HERC3: variants seen among roughly 807,000 people sequenced by gnomAD.
HERC3 encodes HECT and RLD domain containing E3 ubiquitin protein ligase 3, also known as probable E3 ubiquitin-protein ligase HERC3.
Under a neutral mutation model 129.9 loss-of-function variants are expected in HERC3, and 58 were observed. The ratio of observed to expected loss-of-function variants is 0.45; its 90% CI spans 0.36 to 0.56. The LOEUF (loss-of-function observed/expected upper bound fraction) is 0.56. Ranked by LOEUF, HERC3 falls within the 20% of genes least tolerant of loss-of-function variation. The pLI is 0.00. For synonymous variants in HERC3, 430 were observed against 451.0 expected, an observed-to-expected ratio of 0.95 and a Z score of 0.59; for missense variants, 835 against 1,244.2, an observed-to-expected ratio of 0.67 and a Z score of 4.95.
At chr4:88,607,903 G>C (rs1292027722) in intron 3 of HERC3, among the ~76,000 whole-genome samples, 2 of 152,150 alleles carry the variant, frequency 1.3e-5, no homozygotes, top group Non-Finnish European at 2.9e-5. Flanking sequence ...GTCTTAAATT[G>C]TGACCACATA....
the HERC3 span, among the ~76,000 whole-genome samples, chr4:88,559,457 T>A: frequency 6.6e-6 from 1 of 152,210 alleles, no homozygotes; most frequent in Non-Finnish European, 1.5e-5. Context: ...CCCTCCCTGA[T>A]AACCACTGTT....
intron 3 of HERC3, among the ~76,000 whole-genome samples, chr4:88,633,173 A>C (rs1726963476): frequency 6.6e-6 from 1 of 152,252 alleles, no homozygotes; most frequent in Admixed American, 6.5e-5. Flanking sequence ...AGGCAGTTTT[A>C]GGTGAAGGAA....
At chr4:88,625,712 T>TAC (rs1726023776) in intron 3 of HERC3, among the ~76,000 whole-genome samples, 1 of 152,190 alleles carries the variant, frequency 6.6e-6, no homozygotes, top group African/African-American at 2.4e-5. Flanking sequence ...GGCAAAAGTG[T>TAC]ACATCCTCAC....
At chr4:88,546,071 T>G in the HERC3 span, among the ~76,000 whole-genome samples, 1 of 152,100 alleles carries the variant, frequency 6.6e-6, no homozygotes, top group Non-Finnish European at 1.5e-5. Context: ...AAAGAACAAG[T>G]GTATTTTGTG....
At chr4:88,688,122 C>T (rs530449718) in intron 23 of HERC3, among the ~76,000 whole-genome samples, 3 of 152,180 alleles carry the variant, frequency 2.0e-5, no homozygotes, top group East Asian at 1.9e-4. Context: ...CCAGGTGCCA[C>T]GGTACTAGGG....
intron 1 of HERC3, among the ~76,000 whole-genome samples, chr4:88,594,929 C>T (rs1722175144): frequency 6.6e-6 from 1 of 151,688 alleles, no homozygotes; most frequent in African/African-American, 2.4e-5. Flanking sequence ...TGGTGAAACC[C>T]CTTCTCTACT....
At chr4:88,656,336 C>G (rs1364155305) in intron 9 of HERC3, 4 of 308,102 alleles carry the variant, frequency 1.3e-5, no homozygotes, top group Non-Finnish European at 2.5e-5. Flanking sequence ...TCTGCAGGCT[C>G]TACAGGGAGC....
intron 25 of HERC3, among the ~76,000 whole-genome samples, 184 bp downstream of exon 25, chr4:88,704,794 T>C (rs1260266492): frequency 6.6e-6 from 1 of 152,014 alleles, no homozygotes; most frequent in African/African-American, 2.4e-5. Flanking sequence ...TCCAGATCTG[T>C]TGCCTAACAA....
chr4:88,704,530 A>G lies in HERC3; in HGVS notation c.2864A>G (p.Tyr955Cys). 6.2e-7 allele frequency: 1 copy of G among 1,610,768 alleles called. No individual in the cohort carries two copies. ...LEETAIYKGD[Y>C]SATHPTVKLF... Reference sequence around the variant, plus strand: ...CAGACTGCCATCTACAAGGGAGATTACTCGGCCACACATCCCACTGTAAAA... The same window carrying G: ...CAGACTGCCATCTACAAGGGAGATTGCTCGGCCACACATCCCACTGTAAAA... Residue 955 changes from tyrosine to cysteine, a missense_variant, in exon 25 of 26, where the codon TAC (tyrosine) becomes TGC (cysteine). Transcript: ENST00000402738.
chr4:88,623,890 C>G (rs1173474504), intron 3 of HERC3, among the ~76,000 whole-genome samples: 1 of 152,116 alleles, frequency 6.6e-6, no homozygotes. Context: ...TAACCACTAC[C>G]ACAATCATGA....
At chr4:88,678,729 T>C (rs1011061503) in intron 19 of HERC3, among the ~76,000 whole-genome samples, 8 of 152,206 alleles carry the variant, frequency 5.3e-5, no homozygotes, top group African/African-American at 1.9e-4. Context: ...CTCAGACAAC[T>C]TCCATATCCC....
At chr4:88,626,912 GTTAA>G (rs1299870538) in intron 3 of HERC3, among the ~76,000 whole-genome samples, 32 of 151,878 alleles carry the variant, frequency 2.1e-4, no homozygotes, top group African/African-American at 7.2e-4. Flanking sequence ...GATTTTTGCT[GTTAA>G]TTATTTTCTT....
chr4:88,537,528 C>T, the HERC3 span, among the ~76,000 whole-genome samples: 3 of 152,164 alleles, frequency 2.0e-5, no homozygotes, highest in African/African-American at 7.2e-5. Flanking sequence ...GTTATGCTAA[C>T]TCTGATCATT....
chr4:88,695,505 A>G (rs1734514442), intron 23 of HERC3, among the ~76,000 whole-genome samples: 1 of 152,188 alleles, frequency 6.6e-6, no homozygotes, highest in Admixed American at 6.5e-5. Flanking sequence ...GGAAACCAAA[A>G]CAAGATAGTT....
At chr4:88,612,409 GGCA>G (rs1330377993) in intron 3 of HERC3, among the ~76,000 whole-genome samples, 3 of 151,832 alleles carry the variant, frequency 2.0e-5, no homozygotes, top group Non-Finnish European at 4.4e-5. Context: ...CAGTGTGTCA[GGCA>G]GCACACAGAG....
At chr4:88,697,727 C>G in intron 23 of HERC3, 2 of 1,610,974 alleles carry the variant, frequency 1.2e-6, no homozygotes, top group Non-Finnish European at 1.7e-6. Context: ...CTAGGCTCCG[C>G]AGGCCCCTGG....
intron 8 of HERC3, 73 bp downstream of exon 8, chr4:88,655,377 A>T: frequency 6.6e-7 from 1 of 1,526,268 alleles, no homozygotes; most frequent in Admixed American, 1.7e-5. Context: ...GTGATGAAGA[A>T]TGTGATTATA....
chr4:88,627,346 A>G (rs1171709918), intron 3 of HERC3, among the ~76,000 whole-genome samples: 1 of 152,214 alleles, frequency 6.6e-6, no homozygotes, highest in Non-Finnish European at 1.5e-5. Flanking sequence ...AACAATAAAA[A>G]TAATACAGAT....
At chr4:88,544,122 A>G in the HERC3 span, among the ~76,000 whole-genome samples, 1 of 152,238 alleles carries the variant, frequency 6.6e-6, no homozygotes, top group African/African-American at 2.4e-5. Flanking sequence ...CTCTCATCAG[A>G]GTGAACAGGC....
Sources: allele counts gnomAD v4.1 joint callset (sites outside exome capture counted in the v4.1 genomes callset), GRCh38; gene constraint gnomAD v4.1.1; transcripts MANE v1.5; gene names NCBI Gene and HGNC (gene_info 2026-07-23, HGNC 2026-07-21).